Variants in PCDHA5 observed in about 807,000 individuals in gnomAD.
The protein encoded by PCDHA5 is protocadherin alpha 5.
Under a neutral mutation model 61.6 loss-of-function variants are expected in PCDHA5, and 43 were observed. That is an observed-to-expected ratio of 0.70 (90% CI 0.55 to 0.90). The LOEUF (loss-of-function observed/expected upper bound fraction) is 0.90, where lower values mean the gene tolerates loss of function less well. Ranked by LOEUF, PCDHA5 falls within the 40% of genes least tolerant of loss-of-function variation. The pLI, the probability that PCDHA5 is intolerant of heterozygous loss-of-function variation, is 0.00. For missense variants in PCDHA5, 1,298 were observed against 1,222.7 expected (o/e 1.06, Z -0.92); for synonymous variants, 627 against 543.9 (o/e 1.15, Z -2.13).
intron 1 of PCDHA5, among the ~76,000 whole-genome samples, chr5:140,960,614 G>A (rs1167351854): frequency 3.3e-5 from 5 of 152,130 alleles, no homozygotes; most frequent in African/African-American, 1.2e-4. Context: ...AATATCTAGT[G>A]TGTTTTTGAA....
intron 1 of PCDHA5, among the ~76,000 whole-genome samples, chr5:140,950,995 C>T (rs1554219713): frequency 6.6e-6 from 1 of 151,856 alleles, no homozygotes; most frequent in Non-Finnish European, 1.5e-5. Flanking sequence ...TCTTTTAGCT[C>T]CATTTTTCCC....
At chr5:140,966,314 G>C (rs1255868901) in intron 1 of PCDHA5, 2 of 388,054 alleles carry the variant, frequency 5.2e-6, no homozygotes, top group Middle Eastern at 6.5e-4. Flanking sequence ...GTGTTCCTGC[G>C]GTCCGCTGGG....
At chr5:140,848,291 G>A (rs2150408103) in intron 1 of PCDHA5, 336,332 of 624,962 alleles carry the variant, frequency 0.54, 101,055 homozygotes, top group South Asian at 0.62. Context: ...TACACTTTGG[G>A]CCACGTGATG....
At chr5:140,936,153 A>G (rs539421853) in intron 1 of PCDHA5, among the ~76,000 whole-genome samples, 1 of 152,284 alleles carries the variant, frequency 6.6e-6, no homozygotes, top group Admixed American at 6.5e-5. Flanking sequence ...TTGGCCTCCT[A>G]AAGTGCTGGG....
intron 1 of PCDHA5, chr5:140,869,328 G>C: frequency 1.2e-6 from 2 of 1,613,960 alleles, no homozygotes; most frequent in Non-Finnish European, 1.7e-6. Flanking sequence ...GGGACCTTCT[G>C]GAGGTAAATC....
At position 140,869,042 on chromosome 5, in the gene PCDHA5, A is replaced by G. The variant is rs74567119; in HGVS notation, c.2352+44915A>G. On this transcript the variant is annotated intron_variant, in intron 1 of 3. Transcript: ENST00000529859. The stretch of plus-strand genomic sequence containing the variant: ...GAATTCAACGAGATTTTTAACCTGA[A>G]ACTGAAGAATCTGGTACTGTAAGTG... The G allele has an allele frequency of 9.2e-4, 1,413 of 1,529,994 alleles. 13 individuals are homozygous for G. The African/African-American group carries it at 0.016, about 18-fold the overall frequency. The allele number at this position is 1,529,994 out of a possible 1,614,324, so 94.8% of individuals were successfully genotyped here.
chr5:140,917,777 T>C (rs913092177), intron 1 of PCDHA5, among the ~76,000 whole-genome samples: 7 of 152,214 alleles, frequency 4.6e-5, no homozygotes, highest in Non-Finnish European at 1.0e-4. Context: ...ATTAGTACCA[T>C]GTTGTTTTGG....
At chr5:140,842,322 G>A in intron 1 of PCDHA5, 1 of 1,607,612 alleles carries the variant, frequency 6.2e-7, no homozygotes, top group Non-Finnish European at 8.5e-7. Flanking sequence ...GCGGGTCATT[G>A]CACCGTTTTA....
chr5:140,923,200 G>C (rs2081224774), intron 1 of PCDHA5, among the ~76,000 whole-genome samples: 1 of 152,166 alleles, frequency 6.6e-6, no homozygotes, highest in Admixed American at 6.5e-5. Flanking sequence ...AGCAATTTGG[G>C]AGGCTAAGGT....
intron 3 of PCDHA5, 115 bp downstream of exon 3, chr5:140,982,678 C>G: frequency 6.9e-7 from 1 of 1,438,900 alleles, no homozygotes; most frequent in East Asian, 2.5e-5. Context: ...TTTGTTATTC[C>G]CTTTTTTCCA....
At chr5:140,991,985 A>G (rs114196704) in intron 3 of PCDHA5, among the ~76,000 whole-genome samples, 1,827 of 150,246 alleles carry the variant, frequency 0.012, 17 homozygotes, top group Non-Finnish European at 0.019. Context: ...TCTGCCTACC[A>G]CCCGGTCTTT....
intron 1 of PCDHA5, chr5:140,835,965 C>T: frequency 1.2e-6 from 2 of 1,613,194 alleles, no homozygotes; most frequent in Non-Finnish European, 1.7e-6. Flanking sequence ...CCACGAGGAG[C>T]TGGAGCTGTT....
At chr5:140,908,794 C>T (rs1554193480) in intron 1 of PCDHA5, among the ~76,000 whole-genome samples, 1 of 152,142 alleles carries the variant, frequency 6.6e-6, no homozygotes, top group African/African-American at 2.4e-5. Context: ...TTCTGTACTA[C>T]ATTAAAAAGT....
chr5:140,942,316 A>G (rs1197832358), intron 1 of PCDHA5, among the ~76,000 whole-genome samples: 1 of 152,100 alleles, frequency 6.6e-6, no homozygotes, highest in Non-Finnish European at 1.5e-5. Flanking sequence ...AGGTCGAGGC[A>G]CAAGAATCAC....
In PCDHA5 at chr5:140,822,901, C is replaced by T. The variant is rs1554128945; in HGVS notation, c.1126C>T (p.Arg376Cys). 1 of 1,614,234 alleles carries T rather than the reference C, an allele frequency of 6.2e-7. No individual in the cohort carries two copies. Among genetic ancestry groups the T allele is most frequent in the Non-Finnish European group, 8.5e-7 (1 of 1,180,042 alleles). ...CATTGCTCTGATCAGCGTGTCTGAC[C>T]GTGACTCAGGTGCCAACGGGCAGGT... ...TVIALISVSD[R>C]DSGANGQVTC... Residue 376 changes from arginine (R) to cysteine (C), a missense_variant, in exon 1 of 4, where the codon CGT becomes TGT. By Grantham distance (180) the Arg-to-Cys change is radical (BLOSUM62 -3). Coordinates refer to ENST00000529859, the MANE Select transcript of PCDHA5 (RefSeq NM_018908.3).
At chr5:140,966,248 G>C (rs2095985597) in intron 1 of PCDHA5, 2 of 322,664 alleles carry the variant, frequency 6.2e-6, no homozygotes, top group Non-Finnish European at 5.6e-6. Context: ...AAGCAGGGGA[G>C]AGACGGTGGA....
chr5:140,829,134 C>A (rs2150162893), intron 1 of PCDHA5: 1 of 1,613,168 alleles, frequency 6.2e-7, no homozygotes. Flanking sequence ...GATAACGTCC[C>A]TGAGATAGCA....
At chr5:140,932,755 GA>G (rs1554209056) in intron 1 of PCDHA5, among the ~76,000 whole-genome samples, 4 of 151,730 alleles carry the variant, frequency 2.6e-5, no homozygotes, top group Non-Finnish European at 5.9e-5. Context: ...AAAAAGGAAA[GA>G]AAAAGAACAT....
At chr5:140,966,232 C>A (rs1353392797) in intron 1 of PCDHA5, 14 of 285,432 alleles carry the variant, frequency 4.9e-5, no homozygotes, top group African/African-American at 2.4e-4. Flanking sequence ...TCCTTAAAGA[C>A]CCGTTAAGCA....
Sources: allele counts gnomAD v4.1 joint callset (sites outside exome capture counted in the v4.1 genomes callset), GRCh38; gene constraint gnomAD v4.1.1; transcripts MANE v1.5; gene names NCBI Gene and HGNC (gene_info 2026-07-23, HGNC 2026-07-21).